TNFSF15: variants seen among roughly 807,000 people sequenced by gnomAD.
TNFSF15 encodes TNF superfamily member 15.
Under a neutral mutation model 26.4 loss-of-function variants are expected in TNFSF15, and 15 were observed. The ratio of observed to expected loss-of-function variants is 0.57; its 90% CI spans 0.38 to 0.87. The LOEUF (loss-of-function observed/expected upper bound fraction) is 0.87, where lower values mean the gene tolerates loss of function less well. Ranked by LOEUF, TNFSF15 falls within the 40% of genes least tolerant of loss-of-function variation. TNFSF15 has a pLI of 0.00. For missense variants in TNFSF15, 290 were observed against 306.1 expected (o/e 0.95, Z 0.39); for synonymous variants, 116 against 115.0 (o/e 1.01, Z -0.06).
chr9:114,795,385 A>T (rs1416011499), intron 1 of TNFSF15, among the ~76,000 whole-genome samples: 1 of 152,208 alleles, frequency 6.6e-6, no homozygotes, highest in Non-Finnish European at 1.5e-5. Flanking sequence ...TATGATTTCC[A>T]TATCTGCAGA....
intron 1 of TNFSF15, 103 bp downstream of exon 1, chr9:114,805,700 G>A (rs902490925): frequency 2.0e-5 from 23 of 1,126,866 alleles, no homozygotes; most frequent in Admixed American, 2.5e-5. Flanking sequence ...CAAGAAATGT[G>A]ATACATCAAG....
chr9:114,798,635 A>G (rs1829702593), intron 1 of TNFSF15, among the ~76,000 whole-genome samples: 1 of 152,142 alleles, frequency 6.6e-6, no homozygotes, highest in South Asian at 2.1e-4. Flanking sequence ...AAAGAGGTCA[A>G]GCAACTGTCC....
At chr9:114,796,895 A>G (rs1238980707) in intron 1 of TNFSF15, among the ~76,000 whole-genome samples, 1 of 152,242 alleles carries the variant, frequency 6.6e-6, no homozygotes, top group African/African-American at 2.4e-5. Context: ...TCCAGAATCA[A>G]TAACTTGGAT....
intron 1 of TNFSF15, among the ~76,000 whole-genome samples, chr9:114,805,420 G>A (rs73656202): frequency 6.6e-6 from 1 of 152,038 alleles, no homozygotes; most frequent in African/African-American, 2.4e-5. Flanking sequence ...AAGAGTTATG[G>A]GTAATGATGA....
chr9:114,800,465 C>G (rs1024071823), intron 1 of TNFSF15, among the ~76,000 whole-genome samples: 4 of 152,122 alleles, frequency 2.6e-5, no homozygotes, highest in Non-Finnish European at 5.9e-5. Flanking sequence ...GAGGTGAATA[C>G]TTGGTTGGAC....
intron 1 of TNFSF15, among the ~76,000 whole-genome samples, chr9:114,796,158 G>T (rs1343220951): frequency 1.3e-5 from 2 of 151,934 alleles, no homozygotes; most frequent in African/African-American, 4.8e-5. Flanking sequence ...TTTCTATTTT[G>T]CAATTTTCTC....
At chr9:114,800,802 A>G (rs949105806) in intron 1 of TNFSF15, among the ~76,000 whole-genome samples, 2 of 152,166 alleles carry the variant, frequency 1.3e-5, no homozygotes, top group Non-Finnish European at 2.9e-5. Flanking sequence ...TTTCTGCTAT[A>G]TAATAAGTTA....
intron 1 of TNFSF15, among the ~76,000 whole-genome samples, chr9:114,797,393 T>C (rs1829685140): frequency 6.6e-6 from 1 of 152,014 alleles, no homozygotes; most frequent in Admixed American, 6.6e-5. Context: ...ATTCCAAGAG[T>C]CCGCAAGAAG....
At chr9:114,804,785 C>T (rs968791629) in intron 1 of TNFSF15, among the ~76,000 whole-genome samples, 20 of 152,298 alleles carry the variant, frequency 1.3e-4, no homozygotes, top group South Asian at 6.2e-4. Context: ...GATGGGGCAG[C>T]GAGAATTACA....
intron 1 of TNFSF15, among the ~76,000 whole-genome samples, chr9:114,800,976 G>A (rs907572191): frequency 2.6e-5 from 4 of 152,168 alleles, no homozygotes; most frequent in Non-Finnish European, 4.4e-5. Context: ...GCATTGTAGA[G>A]ATTTTCAGGG....
At chr9:114,793,006 G>C (rs1829626530) in intron 2 of TNFSF15, among the ~76,000 whole-genome samples, 1 of 152,110 alleles carries the variant, frequency 6.6e-6, no homozygotes. Flanking sequence ...TTGTCTATTA[G>C]TTCTTGAGAA....
rs1039554601 is a variant in TNFSF15 at position 114,785,988 on chromosome 9, G to A, written c.*4464C>T. The stretch of plus-strand genomic sequence containing the variant: ...AAAATGGGGTGATGGAAGGGGTGGA[G>A]GCAAGTGTGTCTCAGAGCTGGGGAA... On this transcript the variant is annotated 3_prime_UTR_variant, in exon 4 of 4. Transcript: ENST00000374045. The A allele has an allele frequency of 2.0e-5, 3 of 152,444 alleles. No individual in the cohort carries two copies. Among genetic ancestry groups the A allele is most frequent in the African/African-American group, 7.2e-5 (3 of 41,442 alleles). The allele number at this position is 152,444 out of a possible 1,614,324, so 9.4% of individuals were successfully genotyped here. A position where few individuals can be genotyped will look rare whatever the true frequency, so the allele number is the denominator to read the frequency against.
chr9:114,804,394 T>G (rs138068816), intron 1 of TNFSF15, among the ~76,000 whole-genome samples: 2 of 152,174 alleles, frequency 1.3e-5, no homozygotes, highest in African/African-American at 4.8e-5. Context: ...GTCTTCTAGA[T>G]AGACAAAGGC....
rs925898041 is a variant in TNFSF15, at chr9:114,786,615, TA to T, written c.*3836del. The T allele has an allele frequency of 5.4e-5, 8 of 148,748 alleles. No individual in the cohort carries two copies. Among genetic ancestry groups the T allele is most frequent in the East Asian group, 2.0e-4 (1 of 5,110 alleles). The allele number at this position is 148,748 out of a possible 1,614,324, so 9.2% of individuals were successfully genotyped here. On this transcript the variant is annotated 3_prime_UTR_variant, in exon 4 of 4. Transcript: ENST00000374045. ...TTTCCCTTTTCTTACTGTACCTTAG[TA>T]AAAAAAAAATCAGAGTCCGGGCACA...
intron 3 of TNFSF15, 62 bp from the exon 4 acceptor site, chr9:114,790,968 G>T: frequency 1.3e-6 from 2 of 1,552,550 alleles, no homozygotes; most frequent in Non-Finnish European, 8.8e-7. Flanking sequence ...TGCTTAAAAA[G>T]TGTCTCATAT....
intron 2 of TNFSF15, among the ~76,000 whole-genome samples, chr9:114,793,235 G>A (rs920762079): frequency 2.6e-5 from 4 of 152,138 alleles, no homozygotes; most frequent in Admixed American, 6.5e-5. Flanking sequence ...TTTTACAGGT[G>A]AATAAATGCA....
intron 1 of TNFSF15, among the ~76,000 whole-genome samples, chr9:114,796,758 A>G (rs1829677971): frequency 6.6e-6 from 1 of 152,350 alleles, no homozygotes; most frequent in African/African-American, 2.4e-5. Context: ...GAGGCTCAAC[A>G]GGACATGGGA....
At chr9:114,798,855 G>T (rs1829705347) in intron 1 of TNFSF15, among the ~76,000 whole-genome samples, 1 of 152,154 alleles carries the variant, frequency 6.6e-6, no homozygotes, top group African/African-American at 2.4e-5. Flanking sequence ...TTCCTCTCAT[G>T]TACTATAGTC....
At chr9:114,800,614 G>A (rs990121856) in intron 1 of TNFSF15, among the ~76,000 whole-genome samples, 2 of 152,116 alleles carry the variant, frequency 1.3e-5, no homozygotes, top group Non-Finnish European at 1.5e-5. Flanking sequence ...CTAAAATGTG[G>A]ATAATAATAG....
Sources: allele counts gnomAD v4.1 joint callset (sites outside exome capture counted in the v4.1 genomes callset), GRCh38; gene constraint gnomAD v4.1.1; transcripts MANE v1.5; gene names NCBI Gene and HGNC (gene_info 2026-07-23, HGNC 2026-07-21).